Variants in CPB1 observed in about 807,000 individuals in gnomAD.
CPB1 encodes carboxypeptidase B.
In CPB1, 53 loss-of-function variants were observed where a neutral mutation model predicts 51.4. The ratio of observed to expected loss-of-function variants is 1.03; its 90% CI spans 0.83 to 1.30. The LOEUF (loss-of-function observed/expected upper bound fraction) is 1.30. CPB1 is among the 50% of genes most tolerant of loss of function. The pLI, the probability that CPB1 is intolerant of heterozygous loss-of-function variation, is 0.00. For synonymous variants in CPB1, 189 were observed against 186.9 expected, an observed-to-expected ratio of 1.01 and a Z score of -0.09; for missense variants, 494 against 516.2, an observed-to-expected ratio of 0.96 and a Z score of 0.42.
intron 9 of CPB1, among the ~76,000 whole-genome samples, chr3:148,852,455 G>A (rs767155924): frequency 5.3e-5 from 8 of 152,114 alleles, no homozygotes; most frequent in African/African-American, 1.2e-4. Flanking sequence ...AGCCCAAAAC[G>A]TCAAGAGTGC....
intron 2 of CPB1, among the ~76,000 whole-genome samples, chr3:148,830,774 T>C (rs575110794): frequency 2.0e-5 from 3 of 152,226 alleles, no homozygotes; most frequent in South Asian, 4.1e-4. Context: ...TAACTCTCTC[T>C]TGGAAAAGAC....
Position 148,844,699 on chromosome 3 carries a change from G to C in CPB1, c.710G>C (p.Arg237Pro), listed in dbSNP as rs765515836. 2.5e-6 allele frequency: 4 copies of C among 1,613,772 alleles called. No individual in the cohort carries two copies. Among genetic ancestry groups the C allele is most frequent in the Non-Finnish European group, 3.4e-6 (4 of 1,179,846 alleles). The change falls in exon 8 of 11, where the codon CGC (arginine) becomes CCC (proline). Residue 237 changes from arginine (R) to proline (P), a missense_variant. Transcript: ENST00000282957. Reference sequence around the variant, plus strand: ...CAGAGCCGATTTTGGAGAAAGACTCGCTCCACCCATACTGGATCTAGCTGC... The same window carrying C: ...CAGAGCCGATTTTGGAGAAAGACTCCCTCCACCCATACTGGATCTAGCTGC... ...WTKSRFWRKT[R>P]STHTGSSCIG...
At chr3:148,859,725 A>T in intron 10 of CPB1, 90 bp from the exon 11 acceptor site, 1 of 1,330,568 alleles carries the variant, frequency 7.5e-7, no homozygotes, top group Non-Finnish European at 1.0e-6. Context: ...TTGCACAGTG[A>T]AACATTTGTA....
intron 5 of CPB1, 143 bp from the exon 6 acceptor site, chr3:148,841,680 A>G: frequency 1.6e-6 from 1 of 610,652 alleles, no homozygotes; most frequent in Non-Finnish European, 3.0e-6. Context: ...TGTTAGTATT[A>G]TATTTTAATT....
rs538793350 is a variant in CPB1 at position 148,849,867 on chromosome 3, A to G, written c.981+4241A>G. Among the ~76,000 whole-genome samples the G allele has an allele frequency of 2.0e-5, 3 of 152,390 alleles. No homozygotes were observed. In the South Asian group the frequency reaches 6.2e-4, roughly 32 times the overall value. ...TCAGGGTAGCCCTGGGTCTAAGGCT[A>G]CTGGCTCCTGAGGAATCTTCTAGGC... On this transcript the variant is annotated intron_variant, in intron 9 of 10. Coordinates refer to ENST00000282957, the MANE Select transcript of CPB1 (RefSeq NM_001871.3).
chr3:148,840,487 A>G (rs1713041948), intron 3 of CPB1, among the ~76,000 whole-genome samples, 199 bp from the exon 4 acceptor site: 2 of 152,160 alleles, frequency 1.3e-5, no homozygotes, highest in Admixed American at 6.5e-5. Context: ...CTTCTTAGTG[A>G]CTTACTCACT....
intron 8 of CPB1, 35 bp downstream of exon 8, chr3:148,844,802 T>C (rs373637368): frequency 1.3e-6 from 2 of 1,568,006 alleles, no homozygotes; most frequent in East Asian, 2.2e-5. Flanking sequence ...CATGTATCCA[T>C]TGAAAAACAT....
chr3:148,858,342 G>A (rs1000347432), intron 10 of CPB1, among the ~76,000 whole-genome samples: 2 of 152,108 alleles, frequency 1.3e-5, no homozygotes, highest in Non-Finnish European at 2.9e-5. Context: ...GGAGGCCGAG[G>A]CAGGCAGATC....
Position 148,859,894 on chromosome 3 carries a change from AG to A in CPB1, c.1148del (p.Gly383AlafsTer37). On this transcript the variant is annotated frameshift_variant, in exon 11 of 11. Transcript: ENST00000282957. LOFTEE classifies it high-confidence loss of function. The stretch of plus-strand genomic sequence containing the variant: ...CCTTCACCTTTGAACTTCGAGATAC[AG>A]GCAGATATGGCTTTCTCCTTCCAGA... ...YSFTFELRDT[G>X]RYGFLLPESQ... is the part of the protein sequence containing the mutation. 2 of 1,614,150 alleles carry A rather than the reference AG, an allele frequency of 1.2e-6. No homozygotes were observed. Among genetic ancestry groups the A allele is most frequent in the Non-Finnish European group, 8.5e-7 (1 of 1,180,010 alleles).
intron 9 of CPB1, 78 bp from the exon 10 acceptor site, chr3:148,857,379 C>A: frequency 1.8e-6 from 2 of 1,129,624 alleles, no homozygotes; most frequent in South Asian, 1.3e-5. Flanking sequence ...CTTTGAATGC[C>A]TTAAAAATAA....
intron 10 of CPB1, among the ~76,000 whole-genome samples, chr3:148,858,915 G>A (rs1412783789): frequency 6.6e-6 from 1 of 152,198 alleles, no homozygotes; most frequent in Non-Finnish European, 1.5e-5. Context: ...CAGTGCAGTT[G>A]GAGAGGCTCC....
At chr3:148,831,345 G>A (rs772916441) in intron 2 of CPB1, among the ~76,000 whole-genome samples, 3 of 152,056 alleles carry the variant, frequency 2.0e-5, no homozygotes, top group Non-Finnish European at 4.4e-5. Flanking sequence ...CTGCTGTCTG[G>A]AATTGGGCCT....
At chr3:148,835,064 G>A (rs943288850) in intron 3 of CPB1, among the ~76,000 whole-genome samples, 2 of 152,220 alleles carry the variant, frequency 1.3e-5, no homozygotes, top group Admixed American at 1.3e-4. Flanking sequence ...CAGTCTGAAT[G>A]GCCCTTCTGT....
At chr3:148,842,364 G>A (rs1328853818) in intron 6 of CPB1, among the ~76,000 whole-genome samples, 1 of 152,130 alleles carries the variant, frequency 6.6e-6, no homozygotes. Flanking sequence ...ATTATCTCTT[G>A]GCTAATAATC....
intron 2 of CPB1, among the ~76,000 whole-genome samples, chr3:148,830,207 T>C (rs1295892334): frequency 6.6e-6 from 1 of 152,184 alleles, no homozygotes; most frequent in Non-Finnish European, 1.5e-5. Context: ...TTTTCGTGTT[T>C]ATAAAATCTA....
At chr3:148,846,757 AT>A (rs1713253667) in intron 9 of CPB1, among the ~76,000 whole-genome samples, 1 of 162 alleles carries the variant, frequency 6.2e-3, no homozygotes, top group Non-Finnish European at 0.014. Flanking sequence ...ATATATATAC[AT>A]ATATATATAT....
At chr3:148,830,964 C>T (rs1233428378) in intron 2 of CPB1, among the ~76,000 whole-genome samples, 1 of 152,138 alleles carries the variant, frequency 6.6e-6, no homozygotes, top group Admixed American at 6.5e-5. Context: ...CTGTAGCCTT[C>T]CTGATAAGAT....
intron 3 of CPB1, among the ~76,000 whole-genome samples, chr3:148,836,787 T>A (rs1712918798): frequency 6.6e-6 from 1 of 152,194 alleles, no homozygotes; most frequent in Admixed American, 6.5e-5. Context: ...TTGCTGGGGT[T>A]GCAAGCAGTC....
chr3:148,829,098 T>C (rs1479286870), intron 2 of CPB1, among the ~76,000 whole-genome samples: 1 of 152,240 alleles, frequency 6.6e-6, no homozygotes, highest in Non-Finnish European at 1.5e-5. Context: ...TATTCTGAGC[T>C]GAAAGCTTCC....
Sources: gnomAD v4.1 joint callset for allele counts (sites outside exome capture counted in the v4.1 genomes callset) on GRCh38, gnomAD v4.1.1 for gene constraint, MANE v1.5 for transcripts, NCBI Gene and HGNC (gene_info 2026-07-23, HGNC 2026-07-21) for gene names.